Variants in ADD1 observed in about 807,000 individuals in gnomAD.
ADD1 encodes alpha-adducin.
ADD1 carries 24 observed loss-of-function variants against 80.5 expected under a neutral mutation model. The ratio of observed to expected loss-of-function variants is 0.30; its 90% CI spans 0.22 to 0.42. The LOEUF (loss-of-function observed/expected upper bound fraction) is 0.42, where lower values mean the gene tolerates loss of function less well. Ranked by LOEUF, ADD1 falls within the 10% of genes least tolerant of loss-of-function variation. The pLI is 1.00. For synonymous variants in ADD1, 373 were observed against 393.8 expected (o/e 0.95, Z 0.63); for missense variants, 948 against 1,019.0 (o/e 0.93, Z 0.95).
At chr4:2,858,433 C>A (rs56822742) in intron 1 of ADD1, among the ~76,000 whole-genome samples, 199 of 152,170 alleles carry the variant, frequency 1.3e-3, no homozygotes, top group African/African-American at 4.6e-3. Context: ...TAAGGTTACG[C>A]GGTTTAGTGA....
intron 2 of ADD1, among the ~76,000 whole-genome samples, chr4:2,881,073 T>G (rs1328376601): frequency 8.9e-4 from 4 of 4,512 alleles, no homozygotes; most frequent in Non-Finnish European, 2.1e-3. Flanking sequence ...ATGTATTTAC[T>G]TTTTTTTTTT....
Position 2,898,453 on chromosome 4 carries a change from T to C in ADD1, c.906T>C (p.His302=). The C allele has an allele frequency of 6.2e-7, 1 of 1,614,236 alleles. No individual in the cohort carries two copies. The change falls in exon 8 of 16, where the codon CAT becomes CAC. Residue 302 remains histidine (H), a synonymous_variant. Coordinates refer to ENST00000683351, the MANE Select transcript of ADD1 (RefSeq NM_001354761.2). ...PKSKVLILRN[H]GLVSVGESVE... ...CTCAGGTTCTTATTCTCCGGAACCA[T>C]GGGCTCGTGTCAGTTGGAGAGAGCG...
intron 1 of ADD1, among the ~76,000 whole-genome samples, chr4:2,852,091 C>T (rs1378356076): frequency 1.3e-5 from 2 of 152,106 alleles, no homozygotes; most frequent in Admixed American, 1.3e-4. Flanking sequence ...CCGCCTCAGC[C>T]TCCCAAAGTG....
At chr4:2,846,986 G>A (rs185434980) in intron 1 of ADD1, among the ~76,000 whole-genome samples, 11 of 152,088 alleles carry the variant, frequency 7.2e-5, no homozygotes, top group African/African-American at 2.7e-4. Context: ...GCGTGGTGGC[G>A]GATGCCTGTA....
In ADD1 at chr4:2,867,179, G is replaced by A. The variant is rs529592192; in HGVS notation, c.-20-8717G>A. Among the ~76,000 whole-genome samples the A allele has an allele frequency of 7.2e-5, 11 of 152,324 alleles. No individual in the cohort carries two copies. The South Asian group carries it at 1.9e-3, about 26-fold the overall frequency. On this transcript the variant is annotated intron_variant, in intron 1 of 15. Transcript: ENST00000683351. ...ATTAACGAGTGTGTGTGAGAACATT[G>A]TTCTCTGCAGTGGTCTTTATAGGGT...
chr4:2,908,652 C>A, intron 12 of ADD1, 48 bp downstream of exon 12: 1 of 1,463,884 alleles, frequency 6.8e-7, no homozygotes, highest in Non-Finnish European at 9.6e-7. Flanking sequence ...GGCTGTGTGA[C>A]CGCCTGCTCC....
chr4:2,916,417 A>G (rs1739083533), intron 14 of ADD1, among the ~76,000 whole-genome samples: 1 of 151,852 alleles, frequency 6.6e-6, no homozygotes, highest in Admixed American at 6.6e-5. Context: ...GACGGTCTCA[A>G]TGTCTTGAAC....
chr4:2,922,679 C>T (rs1476662313), intron 14 of ADD1, among the ~76,000 whole-genome samples: 1 of 152,204 alleles, frequency 6.6e-6, no homozygotes, highest in African/African-American at 2.4e-5. Context: ...GCTGGGAGAT[C>T]CACCGCTCTC....
chr4:2,862,658 T>A (rs961448763), intron 1 of ADD1, among the ~76,000 whole-genome samples: 13 of 152,176 alleles, frequency 8.5e-5, no homozygotes, highest in African/African-American at 3.1e-4. Context: ...TTTCCTTTGC[T>A]CTTCCTACTT....
intron 1 of ADD1, chr4:2,844,551 T>G (rs963042728): frequency 1.3e-5 from 2 of 152,250 alleles, no homozygotes; most frequent in Non-Finnish European, 2.9e-5. Context: ...TTGGTCACCT[T>G]TGCCCTCCCT....
chr4:2,885,646 G>T (rs982159503), intron 4 of ADD1, among the ~76,000 whole-genome samples: 3 of 150,476 alleles, frequency 2.0e-5, no homozygotes, highest in African/African-American at 4.9e-5. Context: ...GACTTGCTCT[G>T]TTGCCCAGGC....
intron 14 of ADD1, among the ~76,000 whole-genome samples, chr4:2,923,748 C>T (rs1444856828): frequency 1.3e-5 from 2 of 152,264 alleles, no homozygotes; most frequent in African/African-American, 2.4e-5. Context: ...ATTGTGCGTA[C>T]ATCTCATCTC....
chr4:2,893,229 T>G (rs1354342480), intron 4 of ADD1, among the ~76,000 whole-genome samples: 2 of 150,880 alleles, frequency 1.3e-5, no homozygotes, highest in African/African-American at 4.9e-5. Context: ...GTGCCCAGCC[T>G]AGGTGTTAAG....
At chr4:2,882,120 A>T in intron 3 of ADD1, 60 bp downstream of exon 3, 4 of 1,467,680 alleles carry the variant, frequency 2.7e-6, no homozygotes, top group Non-Finnish European at 3.7e-6. Context: ...TTTCCTGAAG[A>T]TTGCTCATGT....
At chr4:2,864,742 CGCTGATGTCAGCAGGGAAGGGGG>C (rs762629150) in intron 1 of ADD1, among the ~76,000 whole-genome samples, 5 of 150,966 alleles carry the variant, frequency 3.3e-5, no homozygotes, top group Non-Finnish European at 2.9e-5. Flanking sequence ...AGGTGGGGGG[CGCTGATGTCAGCAGGGAAGGGGG>C]GCTTATTGCT....
At chr4:2,915,738 C>T (rs150099770) in intron 14 of ADD1, among the ~76,000 whole-genome samples, 2,520 of 152,232 alleles carry the variant, frequency 0.017, 55 homozygotes, top group African/African-American at 0.049. Flanking sequence ...TCAGGAGAAT[C>T]GCTTGAACCC....
chr4:2,852,916 G>C (rs1727535369), intron 1 of ADD1, among the ~76,000 whole-genome samples: 1 of 151,824 alleles, frequency 6.6e-6, no homozygotes, highest in African/African-American at 2.4e-5. Flanking sequence ...ATGTTGCCCA[G>C]GCAGGCCTGA....
At position 2,928,466 on chromosome 4, in the gene ADD1, G is replaced by A; in HGVS notation, c.2343G>A (p.Lys781=). 6.2e-7 allele frequency: 1 copy of A among 1,613,834 alleles called. No homozygotes were observed. Among genetic ancestry groups the A allele is most frequent in the South Asian group, 1.1e-5 (1 of 91,076 alleles). ...CAGGCAAGTCCCCGTCCAAAAAGAA[G>A]AAGAAGTTCCGTACCCCGTCCTTTC... ...GSPGKSPSKK[K]KKFRTPSFLK... Residue 781 remains lysine (K), a synonymous_variant, in exon 16 of 16, where the codon AAG becomes AAA. Coordinates refer to ENST00000683351, the MANE Select transcript of ADD1 (RefSeq NM_001354761.2).
chr4:2,899,858 A>T, intron 9 of ADD1: 2 of 307,866 alleles, frequency 6.5e-6, no homozygotes, highest in Non-Finnish European at 1.3e-5. Flanking sequence ...ATGGGTATCC[A>T]CTCCCTGTCC....
Sources: allele counts gnomAD v4.1 joint callset (sites outside exome capture counted in the v4.1 genomes callset), GRCh38; gene constraint gnomAD v4.1.1; transcripts MANE v1.5; gene names NCBI Gene and HGNC (gene_info 2026-07-23, HGNC 2026-07-21).